Variants in FAM184A observed in about 807,000 individuals in gnomAD.
FAM184A encodes the protein family with sequence similarity 184 member A.
Under a neutral mutation model 143.8 loss-of-function variants are expected in FAM184A, and 99 were observed. The ratio of observed to expected loss-of-function variants is 0.69; its 90% CI spans 0.58 to 0.81. FAM184A has a LOEUF of 0.81. Ranked by LOEUF, FAM184A falls within the 40% of genes least tolerant of loss-of-function variation. FAM184A has a pLI of 0.00. For missense variants in FAM184A, 1,217 were observed against 1,310.5 expected, an observed-to-expected ratio of 0.93 and a Z score of 1.10; for synonymous variants, 427 against 446.4, an observed-to-expected ratio of 0.96 and a Z score of 0.55.
intron 1 of FAM184A, among the ~76,000 whole-genome samples, chr6:119,103,928 GAAAAAAAA>G (rs199961401): frequency 4.1e-5 from 3 of 72,896 alleles, no homozygotes; most frequent in Non-Finnish European, 6.7e-5. Context: ...TCCGTGTAGA[GAAAAAAAA>G]AAAAAAAAAA....
chr6:119,121,914 A>G (rs1272727073), intron 1 of FAM184A, among the ~76,000 whole-genome samples: 1 of 152,060 alleles, frequency 6.6e-6, no homozygotes, highest in Admixed American at 6.6e-5. Context: ...GTAACTTTTT[A>G]TTTTATTTAT....
In FAM184A at chr6:119,078,590, G is replaced by C. The variant is rs944526271; in HGVS notation, c.-291C>G. The C allele has an allele frequency of 2.5e-5, 6 of 240,978 alleles. No homozygotes were observed. Among genetic ancestry groups the C allele is most frequent in the Non-Finnish European group, 4.0e-5 (5 of 125,630 alleles). 14.9% of individuals were successfully genotyped at this position (240,978 alleles called of 1,614,324 possible). A position where few individuals can be genotyped will look rare whatever the true frequency, so the allele number is the denominator to read the frequency against. ...AGCTCTTGGAGGCTCCTCGGCCCGCGCCTGGCGGAGGCGTCGAGGACAGCG... is the reference window on the plus strand; with the variant it reads ...AGCTCTTGGAGGCTCCTCGGCCCGCCCCTGGCGGAGGCGTCGAGGACAGCG... On this transcript the variant is annotated 5_prime_UTR_variant, in exon 1 of 18. Coordinates refer to ENST00000338891, the MANE Select transcript of FAM184A (RefSeq NM_024581.6). The surrounding 1 kb of genome is among the most constrained non-coding windows in gnomAD (Gnocchi z 5.5).
In FAM184A at chr6:119,028,527, G is replaced by A. The variant is rs545026037; in HGVS notation, c.160-3714C>T. 3.9e-4 allele frequency among the ~76,000 whole-genome samples: 60 copies of A among 152,110 alleles called. 1 individual carries two copies. Among genetic ancestry groups the A allele is most frequent in the Admixed American group, 8.5e-4 (13 of 15,272 alleles). On this transcript the variant is annotated intron_variant, in intron 1 of 17. Coordinates refer to ENST00000338891, the MANE Select transcript of FAM184A (RefSeq NM_024581.6). ...ATTTAATCAACCATGCCTACACAGC[G>A]GAGCCTTCATAAAAACACAAAAGTC...
At chr6:119,035,557 C>T (rs1415060828) in intron 1 of FAM184A, among the ~76,000 whole-genome samples, 1 of 152,138 alleles carries the variant, frequency 6.6e-6, no homozygotes, top group Non-Finnish European at 1.5e-5. Flanking sequence ...TGGAGAATCC[C>T]CCTCCCTTTC....
At chr6:119,070,828 G>A (rs1260414048) in intron 1 of FAM184A, among the ~76,000 whole-genome samples, 5 of 151,574 alleles carry the variant, frequency 3.3e-5, no homozygotes, top group East Asian at 1.9e-4. Flanking sequence ...AAAGAATGGC[G>A]TTACGAACTC....
chr6:119,069,241 T>C (rs960756941), intron 1 of FAM184A: 64 of 193,426 alleles, frequency 3.3e-4, no homozygotes, highest in Admixed American at 2.9e-3. Flanking sequence ...CATAGACCTA[T>C]ATATTCTACT....
At position 118,959,923 on chromosome 6, in the gene FAM184A, A is replaced by G; in HGVS notation, c.*180T>C. ...TAACAGTTATAATTACACACATAAT[A>G]TAGTACCTTATAGAATGATTCCAAT... On this transcript the variant is annotated 3_prime_UTR_variant, in exon 18 of 18. Transcript: ENST00000338891. The G allele has an allele frequency of 4.3e-6, 2 of 462,162 alleles. No individual in the cohort carries two copies. Among genetic ancestry groups the G allele is most frequent in the South Asian group, 4.6e-5 (1 of 21,582 alleles). 28.6% of individuals were successfully genotyped at this position (462,162 alleles called of 1,614,324 possible). A position where few individuals can be genotyped will look rare whatever the true frequency, so the allele number is the denominator to read the frequency against.
At position 118,980,120 on chromosome 6, in the gene FAM184A, ATG is replaced by A. The variant is rs1399562634; in HGVS notation, c.2301+16_2301+17del. 4 of 1,603,032 alleles carry A rather than the reference ATG, an allele frequency of 2.5e-6. No individual in the cohort carries two copies. The African/African-American group carries it at 5.4e-5, about 21-fold the overall frequency. ...AGGCAGTTGGGTTACATTTGAACGTATGTCACATAAAACTTACTCTTTGCTCC... is the reference window on the plus strand; with the variant it reads ...AGGCAGTTGGGTTACATTTGAACGTATCACATAAAACTTACTCTTTGCTCC... On this transcript the variant is annotated intron_variant, in intron 10 of 17. Transcript: ENST00000338891.
chr6:119,127,063 G>A (rs1286595875), intron 1 of FAM184A, among the ~76,000 whole-genome samples: 1 of 152,144 alleles, frequency 6.6e-6, no homozygotes, highest in Non-Finnish European at 1.5e-5. Context: ...ATGGTGGGTG[G>A]GACAGGCCAT....
At chr6:119,068,881 G>A (rs1306791644) in intron 1 of FAM184A, among the ~76,000 whole-genome samples, 1 of 152,124 alleles carries the variant, frequency 6.6e-6, no homozygotes, top group African/African-American at 2.4e-5. Flanking sequence ...AGAAAAGCAC[G>A]TACATAAGTT....
At chr6:119,032,528 G>A (rs1562481806) in intron 1 of FAM184A, among the ~76,000 whole-genome samples, 1 of 140,248 alleles carries the variant, frequency 7.1e-6, no homozygotes. Context: ...AAGAGGAAGA[G>A]GGAGAGGGAG....
Position 119,113,531 on chromosome 6 carries a change from C to G in FAM184A, c.-202+35547G>C, listed in dbSNP as rs565516084. On this transcript the variant is annotated intron_variant, in intron 1 of 16. Coordinates refer to the FAM184A transcript ENST00000352896. ...CATACAACTATAGTTCTCAGTCCCC[C>G]CTTATCTGTGGTTTTGCTTTCCAAG... Among the ~76,000 whole-genome samples, 21 of 152,170 alleles carry G rather than the reference C, an allele frequency of 1.4e-4. 1 individual carries two copies. In the South Asian group the frequency reaches 4.4e-3, roughly 32 times the overall value.
At chr6:119,103,558 T>C (rs1187701541) in intron 1 of FAM184A, among the ~76,000 whole-genome samples, 1 of 152,170 alleles carries the variant, frequency 6.6e-6, no homozygotes. Context: ...AATTCATTTG[T>C]TGGAAAAAAT....
At chr6:119,014,149 T>C (rs1425214398) in intron 5 of FAM184A, among the ~76,000 whole-genome samples, 1 of 152,234 alleles carries the variant, frequency 6.6e-6, no homozygotes, top group Non-Finnish European at 1.5e-5. Context: ...AACCAAAGTG[T>C]CATAAGAATT....
At chr6:118,984,173 ATATATT>A (rs1562461100) in intron 9 of FAM184A, among the ~76,000 whole-genome samples, 2 of 141,246 alleles carry the variant, frequency 1.4e-5, no homozygotes, top group East Asian at 2.0e-4. Context: ...ATATATATAT[ATATATT>A]TATATATATA....
chr6:119,030,786 C>T (rs1297272389), intron 1 of FAM184A, among the ~76,000 whole-genome samples: 1 of 151,858 alleles, frequency 6.6e-6, no homozygotes, highest in East Asian at 1.9e-4. Context: ...AAAAAACTCT[C>T]TTAAAGTCTC....
chr6:119,055,883 A>C (rs1786953358), intron 1 of FAM184A, among the ~76,000 whole-genome samples: 1 of 151,950 alleles, frequency 6.6e-6, no homozygotes, highest in Admixed American at 6.6e-5. Flanking sequence ...CTCCTACAAA[A>C]TCCACAATCT....
chr6:119,003,475 A>G (rs769316406), intron 8 of FAM184A, 26 bp downstream of exon 8: 2 of 1,601,604 alleles, frequency 1.2e-6, no homozygotes, highest in South Asian at 1.1e-5. Flanking sequence ...GTCTTTATTG[A>G]TAAGATTACA....
At chr6:119,041,309 C>T (rs1020438529) in intron 1 of FAM184A, among the ~76,000 whole-genome samples, 1 of 152,118 alleles carries the variant, frequency 6.6e-6, no homozygotes, top group African/African-American at 2.4e-5. Context: ...AGCTGGATTT[C>T]CCAGGCTGAC....
Sources: allele counts gnomAD v4.1 joint callset (sites outside exome capture counted in the v4.1 genomes callset), GRCh38; gene constraint gnomAD v4.1.1; non-coding constraint Gnocchi (gnomAD v3.1); transcripts MANE v1.5; gene names NCBI Gene and HGNC (gene_info 2026-07-23, HGNC 2026-07-21).